Variants in ADGRV1 observed in about 807,000 individuals in gnomAD.
ADGRV1 encodes G-protein coupled receptor 98.
ADGRV1 carries 359 observed loss-of-function variants against 596.2 expected under a neutral mutation model. The ratio of observed to expected loss-of-function variants is 0.60; its 90% confidence interval spans 0.55 to 0.66. The LOEUF (loss-of-function observed/expected upper bound fraction) is 0.66. Ranked by LOEUF, ADGRV1 falls within the 30% of genes least tolerant of loss-of-function variation. The pLI is 0.00. For synonymous variants in ADGRV1, 2,681 were observed against 2,679.2 expected, an observed-to-expected ratio of 1.00 and a Z score of -0.02; for missense variants, 7,274 against 7,575.6, an observed-to-expected ratio of 0.96 and a Z score of 1.48.
intron 15 of ADGRV1, among the ~76,000 whole-genome samples, chr5:90,645,090 T>G (rs1156881287): frequency 6.6e-6 from 1 of 152,206 alleles, no homozygotes; most frequent in African/African-American, 2.4e-5. Context: ...GTGACACTGC[T>G]CATGTATCCA....
chr5:91,035,109 T>C (rs1784758863), intron 85 of ADGRV1, among the ~76,000 whole-genome samples: 1 of 152,200 alleles, frequency 6.6e-6, no homozygotes, highest in Non-Finnish European at 1.5e-5. Flanking sequence ...ACAGGGACTT[T>C]TGCAATGGCT....
rs536857808 is a variant in ADGRV1 at position 91,107,112 on chromosome 5, T to A, written c.18432+4772T>A. 2.0e-5 allele frequency among the ~76,000 whole-genome samples: 3 copies of A among 152,196 alleles called. No individual in the cohort carries two copies. In the East Asian group the frequency reaches 5.8e-4, roughly 29 times the overall value. On this transcript the variant is annotated intron_variant, in intron 87 of 89. Coordinates refer to ENST00000405460, the MANE Select transcript of ADGRV1 (RefSeq NM_032119.4). ...CACCCAGAGTTTCTGATACAGTAGG[T>A]CTGGGTGGAATCTGATCATTTGCAT...
intron 83 of ADGRV1, among the ~76,000 whole-genome samples, chr5:90,889,702 A>G (rs999059295): frequency 1.1e-4 from 16 of 152,024 alleles, no homozygotes; most frequent in Non-Finnish European, 1.8e-4. Context: ...TTTGTTATCA[A>G]TACTCTTCCA....
intron 21 of ADGRV1, among the ~76,000 whole-genome samples, chr5:90,671,691 A>AAATTTTATATATTAAATTTTATATATT: frequency 6.6e-6 from 1 of 152,218 alleles, no homozygotes; most frequent in African/African-American, 2.4e-5. Flanking sequence ...TTTATATATT[A>AAATTTTATATATTAAATTTTATATATT]AAACTTGTAT....
chr5:90,848,851 CT>C, intron 79 of ADGRV1, 30 bp downstream of exon 79: 3 of 1,476,944 alleles, frequency 2.0e-6, no homozygotes, highest in Non-Finnish European at 2.7e-6. Flanking sequence ...TTAGCAGTAC[CT>C]TTTATGCATT....
intron 9 of ADGRV1, 119 bp from the exon 10 acceptor site, chr5:90,634,995 T>C: frequency 1.6e-6 from 1 of 611,602 alleles, no homozygotes; most frequent in Non-Finnish European, 2.9e-6. Flanking sequence ...GAGAATAACA[T>C]TGCGAAGTTA....
intron 85 of ADGRV1, among the ~76,000 whole-genome samples, chr5:91,050,965 C>G (rs1388497682): frequency 6.6e-6 from 1 of 152,278 alleles, no homozygotes; most frequent in Non-Finnish European, 1.5e-5. Context: ...GTTCACTTCT[C>G]TAACCCTGGA....
In ADGRV1 at chr5:90,780,895, C is replaced by A. The variant is rs150267337; in HGVS notation, c.13083-535C>A. 2.4e-3 allele frequency among the ~76,000 whole-genome samples: 358 copies of A among 152,200 alleles called. 1 individual carries two copies. The highest frequency in any genetic ancestry group is 8.2e-3 in the African/African-American group (339 of 41,528). On this transcript the variant is annotated intron_variant, in intron 64 of 89. Transcript: ENST00000405460. ...TTTTAAAATTAGTTTTTAGTAGAGA[C>A]AAGGTCTCACTCACTATGTTGCCCA...
chr5:91,061,356 G>T (rs1377065896), intron 85 of ADGRV1, among the ~76,000 whole-genome samples: 1 of 152,090 alleles, frequency 6.6e-6, no homozygotes, highest in African/African-American at 2.4e-5. Context: ...AGTTGCTTAG[G>T]GAACAGGCTG....
chr5:90,867,251 T>TA (rs1239010732), intron 83 of ADGRV1, among the ~76,000 whole-genome samples: 1 of 152,166 alleles, frequency 6.6e-6, no homozygotes, highest in African/African-American at 2.4e-5. Context: ...TGATTAATAA[T>TA]ACTTAACAAG....
Position 91,075,098 on chromosome 5 carries a change from G to A in ADGRV1, c.18310+2494G>A, listed in dbSNP as rs577899849. On this transcript the variant is annotated intron_variant, in intron 86 of 89. Transcript: ENST00000405460. ...TTCTGGATATTAGACCATTGTGAGC[G>A]CATAGTTTGCAAAAATTTTCTCCCA... 1.2e-4 allele frequency among the ~76,000 whole-genome samples: 18 copies of A among 152,116 alleles called. No individual in the cohort carries two copies. In the South Asian group the frequency reaches 2.9e-3, roughly 25 times the overall value.
chr5:90,753,711 T>C lies in ADGRV1; in HGVS notation c.11259T>C (p.Gly3753=), dbSNP rs973151369. 1.9e-6 allele frequency: 3 copies of C among 1,613,564 alleles called. No individual in the cohort carries two copies. Among genetic ancestry groups the C allele is most frequent in the South Asian group, 2.2e-5 (2 of 91,076 alleles). The change falls in exon 54 of 90, where the codon GGT becomes GGC. Residue 3753 remains glycine, a synonymous_variant. Transcript: ENST00000405460. ...AAGGGGTTGAGGACTCATACAAAGG[T>C]GCTACTATTGATCAGGACAGAAGCA... The part of the protein sequence containing the change: ...TTEGVEDSYK[G]ATIDQDRSKS...
intron 26 of ADGRV1, among the ~76,000 whole-genome samples, chr5:90,680,761 T>A (rs931696095): frequency 3.9e-5 from 6 of 152,202 alleles, no homozygotes; most frequent in Non-Finnish European, 5.9e-5. Flanking sequence ...TTGAACATAC[T>A]TTTTAGGAAA....
intron 37 of ADGRV1, 88 bp downstream of exon 37, chr5:90,705,667 A>G: frequency 9.8e-7 from 1 of 1,016,764 alleles, no homozygotes. Flanking sequence ...GCTAAAATAA[A>G]TCGGGGACAG....
intron 86 of ADGRV1, among the ~76,000 whole-genome samples, chr5:91,075,876 C>A (rs1030301042): frequency 1.3e-5 from 2 of 152,176 alleles, no homozygotes; most frequent in African/African-American, 2.4e-5. Flanking sequence ...TTTCCATTCC[C>A]AAGTTAGTTA....
chr5:91,068,924 G>A (rs1788130165), intron 85 of ADGRV1, among the ~76,000 whole-genome samples: 1 of 151,858 alleles, frequency 6.6e-6, no homozygotes, highest in African/African-American at 2.4e-5. Flanking sequence ...AAACAGCATG[G>A]TACTGATACA....
At chr5:91,055,508 G>T (rs910869543) in intron 85 of ADGRV1, among the ~76,000 whole-genome samples, 2 of 152,090 alleles carry the variant, frequency 1.3e-5, no homozygotes, top group Non-Finnish European at 2.9e-5. Flanking sequence ...GGAAAAAATA[G>T]ATTTTATTTA....
At chr5:91,057,125 A>T (rs1786954211) in intron 85 of ADGRV1, among the ~76,000 whole-genome samples, 1 of 152,246 alleles carries the variant, frequency 6.6e-6, no homozygotes, top group Non-Finnish European at 1.5e-5. Context: ...GGCCAACTAT[A>T]TGAGTAAGGA....
At chr5:91,125,683 A>G (rs1793686294) in intron 87 of ADGRV1, among the ~76,000 whole-genome samples, 1 of 152,192 alleles carries the variant, frequency 6.6e-6, no homozygotes. Context: ...TATTTTTTTC[A>G]AAGGAATAAA....
Sources: gnomAD v4.1 joint callset for allele counts (sites outside exome capture counted in the v4.1 genomes callset) on GRCh38, gnomAD v4.1.1 for gene constraint, MANE v1.5 for transcripts, NCBI Gene and HGNC (gene_info 2026-07-23, HGNC 2026-07-21) for gene names.